Variants in ARMC1 observed in about 807,000 individuals in gnomAD.
ARMC1 encodes the protein armadillo repeat-containing protein 1.
Under a neutral mutation model 31.4 loss-of-function variants are expected in ARMC1, and 16 were observed. The observed-to-expected ratio is 0.51, with a 90% CI of 0.34 to 0.77. ARMC1 has a LOEUF of 0.77. Ranked by LOEUF, ARMC1 falls within the 30% of genes least tolerant of loss-of-function variation. The pLI is 0.01. For synonymous variants in ARMC1, 114 were observed against 118.9 expected (o/e 0.96, Z 0.27); for missense variants, 259 against 347.5 (o/e 0.75, Z 2.02).
At chr8:65,621,337 G>A (rs1478197297) in intron 3 of ARMC1, among the ~76,000 whole-genome samples, 1 of 152,118 alleles carries the variant, frequency 6.6e-6, no homozygotes, top group Non-Finnish European at 1.5e-5. Context: ...TTAACAATGT[G>A]CAAAGTGGGG....
intron 3 of ARMC1, among the ~76,000 whole-genome samples, chr8:65,616,961 G>A (rs1229948470): frequency 1.3e-5 from 2 of 151,636 alleles, no homozygotes; most frequent in African/African-American, 4.8e-5. Flanking sequence ...GGGAAGTGAG[G>A]AGCGTCTCCG....
chr8:65,605,359 C>T (rs955110520), intron 5 of ARMC1, 22 bp from the exon 6 acceptor site: 5 of 1,613,148 alleles, frequency 3.1e-6, no homozygotes, highest in Non-Finnish European at 3.4e-6. Context: ...TAAAAAGGAA[C>T]AATTTTGAAA....
intron 3 of ARMC1, among the ~76,000 whole-genome samples, chr8:65,617,226 T>G (rs529014935): frequency 4.6e-5 from 7 of 152,348 alleles, no homozygotes; most frequent in African/African-American, 1.4e-4. Flanking sequence ...TGTTGCTGTG[T>G]CTGTGTAGAA....
At chr8:65,606,622 T>C (rs1808011305) in intron 4 of ARMC1, among the ~76,000 whole-genome samples, 1 of 152,152 alleles carries the variant, frequency 6.6e-6, no homozygotes, top group Non-Finnish European at 1.5e-5. Flanking sequence ...AAACACAATA[T>C]AACATGTACC....
chr8:65,608,253 G>A (rs1400160010), intron 4 of ARMC1, among the ~76,000 whole-genome samples: 4 of 152,176 alleles, frequency 2.6e-5, no homozygotes, highest in African/African-American at 7.2e-5. Flanking sequence ...TGGGCCAGGC[G>A]CGGTGGCTCA....
chr8:65,626,257 A>C (rs1808509326), intron 2 of ARMC1, among the ~76,000 whole-genome samples: 1 of 152,064 alleles, frequency 6.6e-6, no homozygotes, highest in African/African-American at 2.4e-5. Context: ...CAAAAAGTAG[A>C]TTAGTAGTTG....
At chr8:65,604,658 A>C (rs1039495097) in intron 6 of ARMC1, 73 bp from the exon 7 acceptor site, 17 of 1,411,942 alleles carry the variant, frequency 1.2e-5, no homozygotes, top group Admixed American at 4.1e-5. Flanking sequence ...GGTTATTCTC[A>C]GGGTAAATTT....
At chr8:65,608,607 A>T (rs1808055084) in intron 4 of ARMC1, among the ~76,000 whole-genome samples, 1 of 152,192 alleles carries the variant, frequency 6.6e-6, no homozygotes, top group South Asian at 2.1e-4. Context: ...TAGAGTAAAC[A>T]GTTAAGTTAT....
intron 2 of ARMC1, among the ~76,000 whole-genome samples, chr8:65,626,385 C>T (rs1808511922): frequency 6.8e-6 from 1 of 147,432 alleles, no homozygotes; most frequent in Admixed American, 6.9e-5. Context: ...AGAAGAATCA[C>T]TTGAGGCCAG....
Position 65,605,516 on chromosome 8 carries a change from T to A in ARMC1, c.488A>T (p.Glu163Val). ...AACACCTTTAATTTTTAACAAAGCCTCTTCACATAGATTTCTCCGAGACTG... is the reference window on the plus strand; with the variant it reads ...AACACCTTTAATTTTTAACAAAGCCACTTCACATAGATTTCTCCGAGACTG... ...DDTSRRNLCE[E>V]ALLKIKGVIS... Residue 163 changes from glutamate (E) to valine (V), a missense_variant, in exon 5 of 7, where the codon GAG (glutamate) becomes GTG (valine). Physicochemically the swap from Glu to Val is moderately radical, Grantham distance 121. Transcript: ENST00000276569. 6.2e-7 allele frequency: 1 copy of A among 1,612,892 alleles called. No individual in the cohort carries two copies. Among genetic ancestry groups the A allele is most frequent in the Non-Finnish European group, 8.5e-7 (1 of 1,178,908 alleles).
At chr8:65,613,823 G>C (rs1400145648) in intron 3 of ARMC1, among the ~76,000 whole-genome samples, 4 of 152,058 alleles carry the variant, frequency 2.6e-5, no homozygotes, top group Non-Finnish European at 5.9e-5. Flanking sequence ...AGCTGGGTGT[G>C]GTGGCGCATG....
intron 1 of ARMC1, 102 bp from the exon 2 acceptor site, chr8:65,627,535 T>A: frequency 1.7e-6 from 1 of 587,528 alleles, no homozygotes; most frequent in Non-Finnish European, 2.6e-6. Flanking sequence ...ATCAGGTAAC[T>A]AAAACTAAAT....
chr8:65,631,389 C>A (rs1808640324), intron 1 of ARMC1, among the ~76,000 whole-genome samples: 1 of 152,214 alleles, frequency 6.6e-6, no homozygotes, highest in Non-Finnish European at 1.5e-5. Flanking sequence ...TGCCTGCCAC[C>A]ATGCCCGGCT....
At chr8:65,632,777 G>C (rs891755673) in intron 1 of ARMC1, 1 of 152,292 alleles carries the variant, frequency 6.6e-6, no homozygotes, top group Non-Finnish European at 1.5e-5. Context: ...AGTGAGCCGG[G>C]ATCGCATCAC....
Position 65,604,172 on chromosome 8 carries a change from C to A in ARMC1, c.*222G>T. 2.3e-6 allele frequency: 1 copy of A among 427,242 alleles called. No homozygotes were observed. The allele number at this position is 427,242 out of a possible 1,614,324, so 26.5% of individuals were successfully genotyped here. A position where few individuals can be genotyped will look rare whatever the true frequency, so the allele number is the denominator to read the frequency against. ...AGGCAATTAAATGAAAGAAAACAAA[C>A]CAAAATACTTTCATAAACAAAGCAA... On this transcript the variant is annotated 3_prime_UTR_variant, in exon 7 of 7. Coordinates refer to ENST00000276569, the MANE Select transcript of ARMC1 (RefSeq NM_018120.6).
rs1405263047 is a variant in ARMC1 at position 65,602,724 on chromosome 8, A to G, written c.*1670T>C. 6.6e-6 allele frequency: 1 copy of G among 152,196 alleles called. No individual in the cohort carries two copies. The highest frequency in any genetic ancestry group is 6.5e-5 in the Admixed American group (1 of 15,282). 9.4% of individuals were successfully genotyped at this position (152,196 alleles called of 1,614,324 possible). A position where few individuals can be genotyped will look rare whatever the true frequency, so the allele number is the denominator to read the frequency against. ...AAAGTTTGCTTTAATGGCTATAGAA[A>G]GAAGGTGGTTTTATTTTCTTTTTTA... On this transcript the variant is annotated 3_prime_UTR_variant, in exon 7 of 7. Transcript: ENST00000276569.
At chr8:65,609,998 T>A (rs1808096474) in intron 4 of ARMC1, among the ~76,000 whole-genome samples, 1 of 152,210 alleles carries the variant, frequency 6.6e-6, no homozygotes, top group Non-Finnish European at 1.5e-5. Context: ...CTTCTCTCTG[T>A]GCAAGGTAAC....
At chr8:65,630,232 CTTGAT>C (rs1808613202) in intron 1 of ARMC1, among the ~76,000 whole-genome samples, 1 of 152,188 alleles carries the variant, frequency 6.6e-6, no homozygotes, top group Non-Finnish European at 1.5e-5. Context: ...TGTTAACTAG[CTTGAT>C]TTAATTGCTC....
chr8:65,615,044 G>C (rs1808220743), intron 3 of ARMC1, among the ~76,000 whole-genome samples: 1 of 152,100 alleles, frequency 6.6e-6, no homozygotes. Context: ...GTTATTTAGT[G>C]AATGAGTAGG....
Sources: allele counts gnomAD v4.1 joint callset (sites outside exome capture counted in the v4.1 genomes callset), GRCh38; gene constraint gnomAD v4.1.1; transcripts MANE v1.5; gene names NCBI Gene and HGNC (gene_info 2026-07-23, HGNC 2026-07-21).